Variants in CROCC observed in about 807,000 individuals in gnomAD.
CROCC encodes the protein ciliary rootlet coiled-coil, rootletin, also known as rootletin.
A neutral mutation model predicts 245.2 loss-of-function variants in CROCC; 180 were observed. That is an observed-to-expected ratio of 0.73 (90% confidence interval 0.65 to 0.83). The LOEUF is 0.83. CROCC is among the 40% of genes least tolerant of loss of function. The pLI is 0.00. For synonymous variants in CROCC, 1,205 were observed against 1,241.6 expected (o/e 0.97, Z 0.62); for missense variants, 2,688 against 2,779.4 (o/e 0.97, Z 0.74).
chr1:16,956,166 C>G lies in CROCC; in HGVS notation c.3864+10C>G. 1 of 1,528,660 alleles carries G rather than the reference C, an allele frequency of 6.5e-7. No homozygotes were observed. The highest frequency in any genetic ancestry group is 1.2e-5 in the South Asian group (1 of 81,412). The allele number at this position is 1,528,660 out of a possible 1,614,324, so 94.7% of individuals were successfully genotyped here. A position where few individuals can be genotyped will look rare whatever the true frequency, so the allele number is the denominator to read the frequency against. ...GGAGCTCCGGCGTCAGGTACTCTCC[C>G]TGTGCCACCCCTTAGCCTGGGGCTT... is the stretch of plus-strand genomic sequence containing the variant. On this transcript the variant is annotated intron_variant, in intron 25 of 36. Transcript: ENST00000375541.
chr1:16,961,748 A>C (rs1208473679), intron 27 of CROCC, among the ~76,000 whole-genome samples: 1 of 151,996 alleles, frequency 6.6e-6, no homozygotes, highest in Non-Finnish European at 1.5e-5. Context: ...TGTAGCTGAG[A>C]CTACAGGTGT....
rs1324632839 is a variant in CROCC, at chr1:16,953,389, G to A, written c.3094G>A (p.Glu1032Lys). 4.4e-5 allele frequency: 71 copies of A among 1,610,592 alleles called. No individual in the cohort carries two copies. Among genetic ancestry groups the A allele is most frequent in the Middle Eastern group, 2.2e-4 (1 of 4,492 alleles). The change falls in exon 21 of 37, where the codon GAG (glutamate) becomes AAG (lysine). Residue 1032 changes from glutamate (E) to lysine (K), a missense_variant. Coordinates refer to ENST00000375541, the MANE Select transcript of CROCC (RefSeq NM_014675.5). ...GCAGGAGGAGCTGCTGGCCCGGCTG[G>A]AGGCTGAGAAGGAAGAGCTGAGTGA... is the stretch of plus-strand genomic sequence containing the variant. ...REQEELLARL[E>K]AEKEELSEEI... is the part of the protein sequence containing the mutation.
chr1:16,927,048 A>G (rs2075549787), intron 3 of CROCC, among the ~76,000 whole-genome samples: 1 of 152,246 alleles, frequency 6.6e-6, no homozygotes, highest in South Asian at 2.1e-4. Flanking sequence ...AGAGGCAAAC[A>G]GCACCTGCTT....
chr1:16,920,925 G>C (rs1202873921), upstream of CROCC, among the ~76,000 whole-genome samples: 4 of 152,176 alleles, frequency 2.6e-5, no homozygotes, highest in African/African-American at 9.7e-5. Flanking sequence ...TGTATTTTTG[G>C]TAGAGACGGG....
At chr1:16,952,687 T>C (rs2076182507) in intron 20 of CROCC, among the ~76,000 whole-genome samples, 1 of 152,160 alleles carries the variant, frequency 6.6e-6, no homozygotes, top group African/African-American at 2.4e-5. Context: ...TTGCCTGGCT[T>C]GGCCTCATTA....
Position 16,960,754 on chromosome 1 carries a change from C to T in CROCC, c.4033-4C>T, listed in dbSNP as rs1391142034. On this transcript the variant is annotated splice_region_variant and splice_polypyrimidine_tract_variant and intron_variant, in intron 26 of 36. Coordinates refer to ENST00000375541, the MANE Select transcript of CROCC (RefSeq NM_014675.5). The stretch of plus-strand genomic sequence containing the variant: ...CCGACCTCCACCTCCTGGCATCACT[C>T]CAGCTCCAGGTAGCCCAGCGGAAGC... 16 of 1,524,552 alleles carry T rather than the reference C, an allele frequency of 1.0e-5. No homozygotes were observed. Among genetic ancestry groups the T allele is most frequent in the Non-Finnish European group, 1.4e-5 (16 of 1,141,928 alleles). 94.4% of individuals were successfully genotyped at this position (1,524,552 alleles called of 1,614,324 possible). A position where few individuals can be genotyped will look rare whatever the true frequency, so the allele number is the denominator to read the frequency against.
Position 16,966,687 on chromosome 1 carries a change from G to A in CROCC, c.4860+116G>A. 2.5e-6 allele frequency: 3 copies of A among 1,205,026 alleles called. No homozygotes were observed. Among genetic ancestry groups the A allele is most frequent in the Non-Finnish European group, 3.3e-6 (3 of 902,650 alleles). 74.6% of individuals were successfully genotyped at this position (1,205,026 alleles called of 1,614,324 possible). A position where few individuals can be genotyped will look rare whatever the true frequency, so the allele number is the denominator to read the frequency against. On this transcript the variant is annotated intron_variant, in intron 30 of 36. Coordinates refer to ENST00000375541, the MANE Select transcript of CROCC (RefSeq NM_014675.5). This position sits in a 1 kb window ranked among gnomAD's most constrained non-coding sequence, Gnocchi z 4.8. ...TGCCTGAGTCTCTCTGCAACCCACTGAGGTGACCAGCCTGTGACTCTGTGA... is the reference window on the plus strand; with the variant it reads ...TGCCTGAGTCTCTCTGCAACCCACTAAGGTGACCAGCCTGTGACTCTGTGA...
chr1:16,970,119 C>A, intron 33 of CROCC, 134 bp from the exon 34 acceptor site: 1 of 1,203,282 alleles, frequency 8.3e-7, no homozygotes, highest in Non-Finnish European at 1.1e-6. Flanking sequence ...ACAGGTTTGG[C>A]TTCAGGTGAC....
At chr1:16,962,073 T>G (rs1192402260) in intron 27 of CROCC, among the ~76,000 whole-genome samples, 1 of 151,856 alleles carries the variant, frequency 6.6e-6, no homozygotes, top group Non-Finnish European at 1.5e-5. Flanking sequence ...TTCTTTTTGT[T>G]TTTTTTTGAG....
chr1:16,938,818 C>T, intron 11 of CROCC, 91 bp from the exon 12 acceptor site: 1 of 1,265,608 alleles, frequency 7.9e-7, no homozygotes, highest in Non-Finnish European at 1.1e-6. Flanking sequence ...TGGAATGAGG[C>T]AGCCCCCAGC....
chr1:16,949,674 A>G (rs2076125569), intron 19 of CROCC, among the ~76,000 whole-genome samples: 1 of 152,242 alleles, frequency 6.6e-6, no homozygotes, highest in Non-Finnish European at 1.5e-5. Context: ...AGGATAAACT[A>G]CATAGGCATG....
upstream of CROCC, among the ~76,000 whole-genome samples, chr1:16,921,444 G>A (rs367860867): frequency 1.3e-4 from 20 of 152,404 alleles, no homozygotes; most frequent in South Asian, 3.9e-3. Flanking sequence ...TAAGTGCCAA[G>A]CCTGGCCTGG....
intron 1 of CROCC, among the ~76,000 whole-genome samples, chr1:16,915,428 C>T (rs534209190): frequency 6.6e-6 from 1 of 152,248 alleles, no homozygotes; most frequent in Non-Finnish European, 1.5e-5. Context: ...GTGGGAGGAC[C>T]GCTTGAGCCC....
intron 8 of CROCC, among the ~76,000 whole-genome samples, chr1:16,936,316 G>A (rs2075786873): frequency 6.6e-6 from 1 of 152,256 alleles, no homozygotes; most frequent in Non-Finnish European, 1.5e-5. Flanking sequence ...CACCCAGGCT[G>A]GAGTGCAGTG....
chr1:16,954,986 G>A lies in CROCC; in HGVS notation c.3465+109G>A. On this transcript the variant is annotated intron_variant, in intron 23 of 36. Transcript: ENST00000375541. The surrounding 1 kb of genome is among the most constrained non-coding windows in gnomAD (Gnocchi z 4.4). ...GAGTGTAAGATTCCTCCCTGCATTT[G>A]AGGACCAATGAATAGCAACTTAGAA... 1 of 1,317,918 alleles carries A rather than the reference G, an allele frequency of 7.6e-7. No homozygotes were observed. The highest frequency in any genetic ancestry group is 1.0e-6 in the Non-Finnish European group (1 of 989,192). The allele number at this position is 1,317,918 out of a possible 1,614,324, so 81.6% of individuals were successfully genotyped here.
chr1:16,931,832 C>A (rs116404124), intron 8 of CROCC, among the ~76,000 whole-genome samples: 20,700 of 149,474 alleles, frequency 0.14, 858 homozygotes, highest in South Asian at 0.2. Context: ...TCTTGGATCA[C>A]TGCAACCTTC....
rs1459875366 is a variant in CROCC, at chr1:16,951,680, A to G, written c.3006+558A>G. ...GTGACTGGTACTTAGCAAATGCTCCATAAGTTATGATTGCTGGCACTGACA... is the reference window on the plus strand; with the variant it reads ...GTGACTGGTACTTAGCAAATGCTCCGTAAGTTATGATTGCTGGCACTGACA... On this transcript the variant is annotated intron_variant, in intron 20 of 36. Coordinates refer to ENST00000375541, the MANE Select transcript of CROCC (RefSeq NM_014675.5). 3.3e-5 allele frequency among the ~76,000 whole-genome samples: 5 copies of G among 152,362 alleles called. No homozygotes were observed. In the East Asian group the frequency reaches 7.7e-4, roughly 24 times the overall value.
At position 16,968,334 on chromosome 1, in the gene CROCC, G is replaced by A. The variant is rs1387655486; in HGVS notation, c.4992G>A (p.Glu1664=). ...TGCAGCGGCGCTCGCTTGAGGGGGAGCTGCAGCGCAGCCGCCTGGGCCTCA... is the reference window on the plus strand; with the variant it reads ...TGCAGCGGCGCTCGCTTGAGGGGGAACTGCAGCGCAGCCGCCTGGGCCTCA... ...LELQRRSLEG[E]LQRSRLGLSD... The change falls in exon 31 of 37, where the codon GAG becomes GAA. Residue 1664 remains glutamate, a synonymous_variant. Transcript: ENST00000375541. 4 of 1,547,526 alleles carry A rather than the reference G, an allele frequency of 2.6e-6. No individual in the cohort carries two copies. Among genetic ancestry groups the A allele is most frequent in the Non-Finnish European group, 3.5e-6 (4 of 1,145,928 alleles).
At chr1:16,965,270 T>C (rs1230184276) in intron 27 of CROCC, among the ~76,000 whole-genome samples, 7 of 152,128 alleles carry the variant, frequency 4.6e-5, no homozygotes, top group Non-Finnish European at 1.0e-4. Flanking sequence ...GCAACCACCC[T>C]TGCACTGGGC....
Sources: allele counts gnomAD v4.1 joint callset (sites outside exome capture counted in the v4.1 genomes callset), GRCh38; gene constraint gnomAD v4.1.1; non-coding constraint Gnocchi (gnomAD v3.1); transcripts MANE v1.5; gene names NCBI Gene and HGNC (gene_info 2026-07-23, HGNC 2026-07-21).